CDH2: variants seen among roughly 807,000 people sequenced by gnomAD.
CDH2 encodes the protein cadherin 2.
A neutral mutation model predicts 92.0 loss-of-function variants in CDH2; 17 were observed. That is an observed-to-expected ratio of 0.18 (90% CI 0.13 to 0.28). The LOEUF (loss-of-function observed/expected upper bound fraction) is 0.28. Among genes scored for constraint, CDH2 ranks in the 10% least tolerant of loss-of-function variants. The probability of loss-of-function intolerance (pLI) is 1.00; values close to 1 mark genes in which losing one functional copy is unlikely to be tolerated. For missense variants in CDH2, 862 were observed against 1,133.1 expected, an observed-to-expected ratio of 0.76 and a Z score of 3.44; for synonymous variants, 419 against 415.9, an observed-to-expected ratio of 1.01 and a Z score of -0.09.
At chr18:28,111,088 C>A (rs2015403696) in intron 2 of CDH2, among the ~76,000 whole-genome samples, 1 of 152,200 alleles carries the variant, frequency 6.6e-6, no homozygotes, top group Non-Finnish European at 1.5e-5. Context: ...CTTATCAGCT[C>A]TCCTATCGAC....
At chr18:28,065,370 A>C (rs945749143) in intron 2 of CDH2, among the ~76,000 whole-genome samples, 1 of 152,196 alleles carries the variant, frequency 6.6e-6, no homozygotes, top group Non-Finnish European at 1.5e-5. Context: ...CGAGTATCCA[A>C]AACAGAATTT....
At chr18:28,033,610 T>C (rs1179910524) in intron 2 of CDH2, among the ~76,000 whole-genome samples, 2 of 152,092 alleles carry the variant, frequency 1.3e-5, no homozygotes, top group Non-Finnish European at 2.9e-5. Flanking sequence ...TCTGATCCCA[T>C]TGGTTTGACA....
At chr18:28,036,354 T>A in intron 2 of CDH2, 1 of 681,360 alleles carries the variant, frequency 1.5e-6, no homozygotes, top group Admixed American at 2.6e-5. Context: ...AGCATTAAAT[T>A]CCTTGTTTAA....
intron 2 of CDH2, among the ~76,000 whole-genome samples, chr18:28,075,332 G>A (rs942348835): frequency 6.6e-5 from 10 of 152,126 alleles, no homozygotes; most frequent in African/African-American, 2.2e-4. Context: ...TGTCCCACCC[G>A]TGTCTGAGCT....
At chr18:27,961,757 T>C (rs2143882389) in intron 15 of CDH2, among the ~76,000 whole-genome samples, 1 of 152,240 alleles carries the variant, frequency 6.6e-6, no homozygotes, top group Non-Finnish European at 1.5e-5. Flanking sequence ...CAGAAATATT[T>C]AGTAAGGATT....
chr18:28,115,899 T>G (rs1384880270), intron 2 of CDH2, among the ~76,000 whole-genome samples: 2 of 152,152 alleles, frequency 1.3e-5, no homozygotes, highest in East Asian at 3.9e-4. Flanking sequence ...TTAGGTCACC[T>G]GAAGTTTGCC....
chr18:28,175,793 C>T (rs545275905), intron 1 of CDH2, among the ~76,000 whole-genome samples: 100 of 152,344 alleles, frequency 6.6e-4, no homozygotes, highest in African/African-American at 2.3e-3. Context: ...CCGAGGGCGA[C>T]AGGCAGGGGG....
At chr18:28,171,225 TAAAAAA>T (rs56171991) in intron 1 of CDH2, among the ~76,000 whole-genome samples, 1 of 130,412 alleles carries the variant, frequency 7.7e-6, no homozygotes, top group Non-Finnish European at 1.6e-5. Context: ...AGACTGTCTT[TAAAAAA>T]AAAAAAAAAA....
intron 2 of CDH2, among the ~76,000 whole-genome samples, chr18:28,083,613 T>C (rs1053571928): frequency 2.0e-5 from 3 of 152,200 alleles, no homozygotes; most frequent in Admixed American, 6.5e-5. Context: ...CCTACAGATT[T>C]TTCTTATTTA....
At position 27,941,162 on chromosome 18, in the gene CDH2, A is replaced by G. The variant is rs555673516; in HGVS notation, c.1152-8038T>C. ...GCCATTCTCCTGCCTCAGCCTCCCGAGCAGCTGGGACTACAGGCACCCGCC... is the reference window on the plus strand; with the variant it reads ...GCCATTCTCCTGCCTCAGCCTCCCGGGCAGCTGGGACTACAGGCACCCGCC... On this transcript the variant is annotated intron_variant, in intron 6 of 6. Coordinates refer to the CDH2 transcript ENST00000675173. 6.0e-5 allele frequency among the ~76,000 whole-genome samples: 9 copies of G among 151,156 alleles called. No individual in the cohort carries two copies. In the East Asian group the frequency reaches 1.8e-3, roughly 30 times the overall value.
chr18:28,071,315 A>G (rs2014613974), intron 2 of CDH2, among the ~76,000 whole-genome samples: 1 of 152,120 alleles, frequency 6.6e-6, no homozygotes, highest in South Asian at 2.1e-4. Flanking sequence ...GGGACAGACT[A>G]ATAAGTGCTG....
chr18:28,173,058 A>G (rs370415489), intron 1 of CDH2, among the ~76,000 whole-genome samples: 1 of 152,166 alleles, frequency 6.6e-6, no homozygotes, highest in Non-Finnish European at 1.5e-5. Context: ...GCTCTATACC[A>G]TCATGAAAAT....
chr18:28,016,920 C>T (rs111852224), intron 2 of CDH2, among the ~76,000 whole-genome samples: 12,404 of 152,188 alleles, frequency 0.082, 678 homozygotes, highest in Non-Finnish European at 0.12. Context: ...TGGTGTATCA[C>T]ATTTATTGAC....
chr18:28,145,498 A>C (rs1007849282), intron 2 of CDH2, among the ~76,000 whole-genome samples: 1 of 152,106 alleles, frequency 6.6e-6, no homozygotes, highest in Non-Finnish European at 1.5e-5. Flanking sequence ...CATAGATATA[A>C]TTATGGTGTG....
At chr18:28,000,037 C>T (rs1172746477) in intron 7 of CDH2, among the ~76,000 whole-genome samples, 2 of 152,020 alleles carry the variant, frequency 1.3e-5, no homozygotes, top group African/African-American at 4.8e-5. Flanking sequence ...CCCAGCCATG[C>T]GGAACTGTGA....
chr18:27,978,200 T>C (rs2011913680), intron 14 of CDH2, among the ~76,000 whole-genome samples: 2 of 152,050 alleles, frequency 1.3e-5, no homozygotes, highest in South Asian at 4.2e-4. Flanking sequence ...AGATAAATGG[T>C]TTATTTTTCT....
chr18:27,935,143 C>T (rs1053955090), intron 6 of CDH2, among the ~76,000 whole-genome samples: 1 of 152,142 alleles, frequency 6.6e-6, no homozygotes, highest in Non-Finnish European at 1.5e-5. Context: ...GTAAGTATTG[C>T]CATGTGTATT....
chr18:28,021,382 T>TA (rs2013406610), intron 2 of CDH2, among the ~76,000 whole-genome samples: 1 of 151,750 alleles, frequency 6.6e-6, no homozygotes, highest in Non-Finnish European at 1.5e-5. Context: ...AAAAAGAAAA[T>TA]ACGCTTCCTT....
chr18:27,984,937 G>T, intron 13 of CDH2, 63 bp downstream of exon 13: 1 of 1,314,426 alleles, frequency 7.6e-7, no homozygotes, highest in South Asian at 1.2e-5. Context: ...AGCAACACAT[G>T]ACTTTGCTGA....
Sources: gnomAD v4.1 joint callset for allele counts (sites outside exome capture counted in the v4.1 genomes callset) on GRCh38, gnomAD v4.1.1 for gene constraint, MANE v1.5 for transcripts, NCBI Gene and HGNC (gene_info 2026-07-23, HGNC 2026-07-21) for gene names.